The following FERMT2 variants were observed in gnomAD, a reference collection of about 807,000 sequenced individuals.
The protein encoded by FERMT2 is fermitin family homolog 2.
In FERMT2, 15 loss-of-function variants were observed where a neutral mutation model predicts 82.7. That is an observed-to-expected ratio of 0.18 (90% CI 0.12 to 0.28). The LOEUF is 0.28. FERMT2 is among the 10% of genes least tolerant of loss of function. FERMT2 has a pLI of 1.00. For synonymous variants in FERMT2, 274 were observed against 271.5 expected (o/e 1.01, Z -0.09); for missense variants, 645 against 809.4 (o/e 0.80, Z 2.46).
rs528241138 is a variant in FERMT2, at chr14:52,857,281, A to C, written c.*1096T>G. ...AAGTACAAAAATAAATATTAAATAA[A>C]AGTTTTGCTTTTATTTAAAATAAAA... is the stretch of plus-strand genomic sequence containing the variant. On this transcript the variant is annotated 3_prime_UTR_variant, in exon 15 of 15. Coordinates refer to ENST00000341590, the MANE Select transcript of FERMT2 (RefSeq NM_006832.3). 8 of 152,650 alleles carry C rather than the reference A, an allele frequency of 5.2e-5. No individual in the cohort carries two copies. Among genetic ancestry groups the C allele is most frequent in the Non-Finnish European group, 1.2e-4 (8 of 68,050 alleles). 9.5% of individuals were successfully genotyped at this position (152,650 alleles called of 1,614,324 possible).
chr14:52,904,812 G>C (rs1474658867), intron 3 of FERMT2, among the ~76,000 whole-genome samples: 1 of 149,806 alleles, frequency 6.7e-6, no homozygotes, highest in Non-Finnish European at 1.5e-5. Flanking sequence ...TACACATTTT[G>C]GCTCAGGAAG....
chr14:52,871,021 T>C lies in FERMT2; in HGVS notation c.1273+1778A>G, dbSNP rs1283648137. ...AAATGTACCCAAAGAAGAGATGGGC[T>C]GGGCCACTAGGAGTAACTCAGAACT... On this transcript the variant is annotated intron_variant, in intron 10 of 14. Transcript: ENST00000341590. 2.6e-5 allele frequency among the ~76,000 whole-genome samples: 4 copies of C among 152,320 alleles called. No individual in the cohort carries two copies. The East Asian group carries it at 7.7e-4, about 29-fold the overall frequency.
intron 2 of FERMT2, among the ~76,000 whole-genome samples, chr14:52,924,419 C>A (rs1044587713): frequency 3.9e-5 from 2 of 51,098 alleles, no homozygotes; most frequent in Non-Finnish European, 9.0e-5. Context: ...GAACAGCTGT[C>A]TGTATTTTTT....
At chr14:52,880,669 T>C (rs1886239256) in intron 6 of FERMT2, among the ~76,000 whole-genome samples, 1 of 152,180 alleles carries the variant, frequency 6.6e-6, no homozygotes, top group Admixed American at 6.5e-5. Context: ...AGTGCTGAGA[T>C]TACAGGCGTT....
chr14:52,950,679 G>C, intron 1 of FERMT2, 102 bp from the exon 2 acceptor site: 1 of 1,230,798 alleles, frequency 8.1e-7, no homozygotes, highest in Non-Finnish European at 1.1e-6. Flanking sequence ...AGGTGGTGGA[G>C]GACCCGGGGC....
intron 4 of FERMT2, among the ~76,000 whole-genome samples, chr14:52,883,780 C>T (rs1263095077): frequency 6.6e-6 from 1 of 152,080 alleles, no homozygotes; most frequent in Non-Finnish European, 1.5e-5. Context: ...GCACCATCCC[C>T]GCTTGGTACT....
intron 10 of FERMT2, among the ~76,000 whole-genome samples, chr14:52,868,825 A>G (rs551060283): frequency 6.6e-6 from 1 of 152,172 alleles, no homozygotes; most frequent in Non-Finnish European, 1.5e-5. Context: ...CGAAACAACA[A>G]AAATCATAGG....
chr14:52,885,171 G>C (rs1886522178), intron 4 of FERMT2, among the ~76,000 whole-genome samples: 1 of 151,548 alleles, frequency 6.6e-6, no homozygotes, highest in Non-Finnish European at 1.5e-5. Context: ...AAATTAGCCA[G>C]GCATGGTGGC....
chr14:52,874,895 A>C (rs1885859851), intron 8 of FERMT2, among the ~76,000 whole-genome samples: 1 of 152,184 alleles, frequency 6.6e-6, no homozygotes, highest in Non-Finnish European at 1.5e-5. Context: ...ATCTCTTAAA[A>C]AAATAAAAAA....
At chr14:52,860,283 G>A (rs2140047171) in intron 13 of FERMT2, 58 bp downstream of exon 13, 2 of 1,537,286 alleles carry the variant, frequency 1.3e-6, no homozygotes, top group Non-Finnish European at 8.9e-7. Flanking sequence ...AATTACATGA[G>A]GTAGATTAAG....
At chr14:52,943,457 T>C (rs1215500788) in intron 2 of FERMT2, among the ~76,000 whole-genome samples, 1 of 152,252 alleles carries the variant, frequency 6.6e-6, no homozygotes, top group South Asian at 2.1e-4. Context: ...TAAGAGGCCC[T>C]TTCAACTAAA....
chr14:52,890,889 C>T (rs941486541), intron 4 of FERMT2, among the ~76,000 whole-genome samples: 2 of 152,176 alleles, frequency 1.3e-5, no homozygotes, highest in Non-Finnish European at 2.9e-5. Context: ...TAGGCGTAAG[C>T]CACCCGCGCC....
rs369571111 is a variant in FERMT2, at chr14:52,943,189, C to G, written c.157+7223G>C. 5.4e-5 allele frequency among the ~76,000 whole-genome samples: 7 copies of G among 130,366 alleles called. 1 individual carries two copies. The highest frequency in any genetic ancestry group is 2.2e-4 in the African/African-American group (7 of 32,320). The allele number at this position is 130,366 out of a possible 152,430, so 85.5% of individuals were successfully genotyped here. On this transcript the variant is annotated intron_variant, in intron 2 of 14. Transcript: ENST00000341590. ...TGCCACTGCACTCCAGCCTGGGTGA[C>G]AAGAGCAAAACTCTGTCTCAAAAGA... is the stretch of plus-strand genomic sequence containing the variant.
chr14:52,858,271 A>C lies in FERMT2; in HGVS notation c.*106T>G, dbSNP rs1407833067. 16 of 1,013,686 alleles carry C rather than the reference A, an allele frequency of 1.6e-5. No homozygotes were observed. The highest frequency in any genetic ancestry group is 2.4e-5 in the Non-Finnish European group (16 of 676,058). 62.8% of individuals were successfully genotyped at this position (1,013,686 alleles called of 1,614,324 possible). On this transcript the variant is annotated 3_prime_UTR_variant, in exon 15 of 15. Transcript: ENST00000341590. The stretch of plus-strand genomic sequence containing the variant: ...CTGGTAAGGCAAAGAAGTTTTCATG[A>C]TAAAATGATAAATTTCAAGCTTACT...
chr14:52,863,096 C>T (rs1398350210), intron 12 of FERMT2: 2 of 152,100 alleles, frequency 1.3e-5, no homozygotes, highest in East Asian at 1.9e-4. Context: ...ACTTGCTTTA[C>T]TTTCTCTTTT....
chr14:52,918,896 T>C (rs1432895269), intron 3 of FERMT2, among the ~76,000 whole-genome samples: 1 of 152,202 alleles, frequency 6.6e-6, no homozygotes, highest in Non-Finnish European at 1.5e-5. Flanking sequence ...GTATTAAATA[T>C]CAGATACAAT....
rs148662877 is a variant in FERMT2 at position 52,941,967 on chromosome 14, G to A, written c.157+8445C>T. 9.2e-3 allele frequency among the ~76,000 whole-genome samples: 1,404 copies of A among 152,232 alleles called. 21 individuals carry two copies. The highest frequency in any genetic ancestry group is 0.032 in the African/African-American group (1,320 of 41,518). On this transcript the variant is annotated intron_variant, in intron 2 of 14. Coordinates refer to ENST00000341590, the MANE Select transcript of FERMT2 (RefSeq NM_006832.3). ...TCTTACACTGCAGAGGCAGGTGTGT[G>A]TTTGGAAGTTGGCGGGAAAGTAAAA...
At chr14:52,901,105 CAAAAAAAAAAAA>C (rs71125146) in intron 3 of FERMT2, among the ~76,000 whole-genome samples, 3 of 68,620 alleles carry the variant, frequency 4.4e-5, no homozygotes, top group African/African-American at 6.5e-5. Context: ...ACTAAAAATA[CAAAAAAAAAAAA>C]AAAAAAAAAA....
intron 12 of FERMT2, chr14:52,860,766 A>C (rs1204530733): frequency 5.2e-6 from 3 of 571,644 alleles, no homozygotes; most frequent in African/African-American, 3.8e-5. Context: ...ATTACAGAAC[A>C]GCACATTCTA....
Sources: gnomAD v4.1 joint callset for allele counts (sites outside exome capture counted in the v4.1 genomes callset) on GRCh38, gnomAD v4.1.1 for gene constraint, MANE v1.5 for transcripts, NCBI Gene and HGNC (gene_info 2026-07-23, HGNC 2026-07-21) for gene names.